Variants in C16orf95 observed in about 807,000 individuals in gnomAD.
The protein encoded by C16orf95 is uncharacterized protein C16orf95.
Under a neutral mutation model 32.1 loss-of-function variants are expected in C16orf95, and 41 were observed. The ratio of observed to expected loss-of-function variants is 1.28; its 90% CI spans 1.00 to 1.66. The LOEUF (loss-of-function observed/expected upper bound fraction) is 1.66, where lower values mean the gene tolerates loss of function less well. Ranked by LOEUF, C16orf95 falls within the 40% of genes most tolerant of loss-of-function variation. The probability of loss-of-function intolerance (pLI) is 0.00; values close to 1 mark genes in which losing one functional copy is unlikely to be tolerated. For synonymous variants in C16orf95, 147 were observed against 128.9 expected, an observed-to-expected ratio of 1.14 and a Z score of -0.95; for missense variants, 399 against 325.9, an observed-to-expected ratio of 1.22 and a Z score of -1.73.
In C16orf95 at chr16:87,305,821, T is replaced by G; in HGVS notation, c.599A>C (p.Gln200Pro). The G allele has an allele frequency of 6.7e-7, 1 of 1,496,128 alleles. No individual in the cohort carries two copies. Among genetic ancestry groups the G allele is most frequent in the Non-Finnish European group, 8.9e-7 (1 of 1,129,246 alleles). 92.7% of individuals were successfully genotyped at this position (1,496,128 alleles called of 1,614,324 possible). A position where few individuals can be genotyped will look rare whatever the true frequency, so the allele number is the denominator to read the frequency against. Reference sequence around the variant, plus strand: ...CGGTAGCTGGTCCTGGTAGGGGGCCTGGAGCTGCTGGAACTTGGACAACAG... The same window carrying G: ...CGGTAGCTGGTCCTGGTAGGGGGCCGGGAGCTGCTGGAACTTGGACAACAG... ...ECLLSKFQQL[Q>P]APYQDQLPAP... is the part of the protein sequence containing the mutation. The change falls in exon 6 of 7, where the codon CAG (glutamine) becomes CCG (proline). Residue 200 changes from glutamine to proline, a missense_variant. Transcript: ENST00000567970. The surrounding 1 kb of genome is among the most constrained non-coding windows in gnomAD (Gnocchi z 4.2).
chr16:87,305,765 G>A lies in C16orf95; in HGVS notation c.655C>T (p.Leu219Phe), dbSNP rs2150646747. The A allele has an allele frequency of 6.6e-7, 1 of 1,519,502 alleles. No individual in the cohort carries two copies. The highest frequency in any genetic ancestry group is 1.4e-5 in the African/African-American group (1 of 71,360). The allele number at this position is 1,519,502 out of a possible 1,614,324, so 94.1% of individuals were successfully genotyped here. The change falls in exon 6 of 7, where the codon CTC (leucine) becomes TTC (phenylalanine). Residue 219 changes from leucine to phenylalanine, a missense_variant. By Grantham distance (22) the Leu-to-Phe change is conservative. Coordinates refer to ENST00000567970, the MANE Select transcript of C16orf95 (RefSeq NM_001195124.3). This position sits in a 1 kb window ranked among gnomAD's most constrained non-coding sequence, Gnocchi z 4.2. ...GGGATGGCCTGGAGGAGGGTCAGGA[G>A]GCCGAGGGGCAGCAGACGCGCTGCA... ...APAARLLPLG[L>F]LTLLQAIPRV...
Position 87,311,221 on chromosome 16 carries a change from G to A in C16orf95, c.406C>T (p.Arg136Cys), listed in dbSNP as rs558849785. 2.6e-5 allele frequency: 40 copies of A among 1,535,866 alleles called. 2 individuals are homozygous for A. Among genetic ancestry groups the A allele is most frequent in the Middle Eastern group, 1.7e-4 (1 of 5,986 alleles). The change falls in exon 4 of 7, where the codon CGC becomes TGC. Residue 136 changes from arginine to cysteine, a missense_variant. Coordinates refer to ENST00000567970, the MANE Select transcript of C16orf95 (RefSeq NM_001195124.3). Reference protein sequence around the residue: ...CPCLCHRFGGRLPMPRDQAVM... With the variant: ...CPCLCHRFGGCLPMPRDQAVM... ...GCCTGGTCCCTAGGCATCGGGAGGC[G>A]GCCCCCAAAGCGGTGGCATAGGCAG...
At position 87,309,372 on chromosome 16, in the gene C16orf95, C is replaced by CT. The variant is rs10551847; in HGVS notation, c.514+924dup. On this transcript the variant is annotated intron_variant, in intron 5 of 6. Transcript: ENST00000567970. ...TATGCATTTTCTTTTTCTTTCTTTT[C>CT]TTTTTTTTTTTTTTTTTTTTTTTTT... Among the ~76,000 whole-genome samples the CT allele has an allele frequency of 9.5e-3, 812 of 85,882 alleles. 82 individuals carry two copies. The highest frequency in any genetic ancestry group is 0.012 in the Middle Eastern group (1 of 84). The allele number at this position is 85,882 out of a possible 152,430, so 56.3% of individuals were successfully genotyped here.
chr16:87,309,035 T>A (rs906829859), intron 5 of C16orf95, among the ~76,000 whole-genome samples: 2 of 152,198 alleles, frequency 1.3e-5, no homozygotes, highest in Non-Finnish European at 2.9e-5. Context: ...CATCGCCTCA[T>A]CCCTTCTTAA....
chr16:87,317,365 C>G lies in C16orf95; in HGVS notation c.-123G>C, dbSNP rs1184917303. 1 of 1,413,844 alleles carries G rather than the reference C, an allele frequency of 7.1e-7. No individual in the cohort carries two copies. The highest frequency in any genetic ancestry group is 9.2e-7 in the Non-Finnish European group (1 of 1,087,100). 87.6% of individuals were successfully genotyped at this position (1,413,844 alleles called of 1,614,324 possible). A position where few individuals can be genotyped will look rare whatever the true frequency, so the allele number is the denominator to read the frequency against. On this transcript the variant is annotated 5_prime_UTR_variant, in exon 1 of 7. Transcript: ENST00000567970. ...AACCCGAGCTCAACCCCAGCCCCAA[C>G]CTCAACCGCTCAGAGGAGCCCAACA...
At chr16:87,304,208 C>A (rs1412220450) in intron 6 of C16orf95, among the ~76,000 whole-genome samples, 1 of 152,140 alleles carries the variant, frequency 6.6e-6, no homozygotes, top group Non-Finnish European at 1.5e-5. Flanking sequence ...TGGGGTCTCA[C>A]TATGTTGCCC....
chr16:87,315,630 A>AG, intron 2 of C16orf95, 142 bp downstream of exon 2: 1 of 633,752 alleles, frequency 1.6e-6, no homozygotes, highest in Non-Finnish European at 2.5e-6. Context: ...CTGGAGGCCC[A>AG]GGGATAGCTC....
At chr16:87,316,937 C>T in intron 1 of C16orf95, 154 bp downstream of exon 1, 1 of 1,204,992 alleles carries the variant, frequency 8.3e-7, no homozygotes. Context: ...TTATGTGGAA[C>T]CATCAGTTGC....
At position 87,314,816 on chromosome 16, in the gene C16orf95, A is replaced by G. The variant is rs2150655934; in HGVS notation, c.330+155T>C. On this transcript the variant is annotated intron_variant, in intron 3 of 6. Coordinates refer to ENST00000567970, the MANE Select transcript of C16orf95 (RefSeq NM_001195124.3). The stretch of plus-strand genomic sequence containing the variant: ...TTGCTACAACGACAGCACATTACCC[A>G]TCTGACATGAAAATAAATAAATAAA... Among the ~76,000 whole-genome samples the G allele has an allele frequency of 1.3e-5, 2 of 152,340 alleles. 1 individual carries two copies. The highest frequency in any genetic ancestry group is 3.9e-4 in the East Asian group (2 of 5,192).
Position 87,303,028 on chromosome 16 carries a change from G to A in C16orf95, c.*29C>T, listed in dbSNP as rs544698155. 6.5e-7 allele frequency: 1 copy of A among 1,535,744 alleles called. No individual in the cohort carries two copies. The highest frequency in any genetic ancestry group is 8.7e-7 in the Non-Finnish European group (1 of 1,146,552). The stretch of plus-strand genomic sequence containing the variant: ...TTGATCGTGACACATTTTTGTGGCT[G>A]TTCTTGACAGTAGCTGAAGATTCCA... On this transcript the variant is annotated 3_prime_UTR_variant, in exon 7 of 7. Coordinates refer to ENST00000567970, the MANE Select transcript of C16orf95 (RefSeq NM_001195124.3).
chr16:87,304,788 G>A (rs1910937326), intron 6 of C16orf95, among the ~76,000 whole-genome samples: 3 of 152,242 alleles, frequency 2.0e-5, no homozygotes, highest in Admixed American at 6.5e-5. Context: ...CCCAGCCGTG[G>A]CAGAGTGACC....
rs1037534624 is a variant in C16orf95, at chr16:87,317,210, C to A, written c.33G>T (p.Arg11=). The part of the protein sequence containing the change: MRASRSPPSP[R]RCHHHHEATG... ...TGGCCTCATGATGATGGTGACAACG[C>A]CGCGGGGACGGTGGGGACCGGCTCG... Residue 11 remains arginine, a synonymous_variant, in exon 1 of 7, where the codon CGG becomes CGT. Coordinates refer to ENST00000567970, the MANE Select transcript of C16orf95 (RefSeq NM_001195124.3). 2.0e-6 allele frequency: 3 copies of A among 1,530,720 alleles called. No individual in the cohort carries two copies. The highest frequency in any genetic ancestry group is 2.6e-6 in the Non-Finnish European group (3 of 1,144,566). 94.8% of individuals were successfully genotyped at this position (1,530,720 alleles called of 1,614,324 possible).
chr16:87,311,423 G>T, intron 3 of C16orf95, 127 bp from the exon 4 acceptor site: 3 of 989,428 alleles, frequency 3.0e-6, no homozygotes, highest in Non-Finnish European at 4.3e-6. Flanking sequence ...GCAGGCCCTG[G>T]AGAGCTGTTC....
chr16:87,307,438 C>G, intron 5 of C16orf95, among the ~76,000 whole-genome samples: 1 of 149,648 alleles, frequency 6.7e-6, no homozygotes. Flanking sequence ...AAAGGGACTG[C>G]AAAAAGTTTG....
chr16:87,315,096 T>A lies in C16orf95; in HGVS notation c.205A>T (p.Met69Leu), dbSNP rs1391739755. ...CAGATGGCCCAGGGGCCAGGGTGCATCTGAGTAAGATCCAGAAATGACAGA... is the reference window on the plus strand; with the variant it reads ...CAGATGGCCCAGGGGCCAGGGTGCAACTGAGTAAGATCCAGAAATGACAGA... The part of the protein sequence containing the change: ...KKEVCLPRHS[M>L]HPGPWAICCE... The change falls in exon 3 of 7, where the codon ATG becomes TTG. Residue 69 changes from methionine (M) to leucine (L), a missense_variant and splice_region_variant. Transcript: ENST00000567970. The A allele has an allele frequency of 6.5e-7, 1 of 1,535,758 alleles. No individual in the cohort carries two copies. The highest frequency in any genetic ancestry group is 2.4e-5 in the East Asian group (1 of 40,900).
At chr16:87,312,463 G>C (rs1346874016) in intron 3 of C16orf95, among the ~76,000 whole-genome samples, 1 of 151,304 alleles carries the variant, frequency 6.6e-6, no homozygotes. Context: ...CAGCTACCCG[G>C]GAGACTGAGG....
Position 87,317,382 on chromosome 16 carries a change from A to G in C16orf95, c.-140T>C. 7.1e-7 allele frequency: 1 copy of G among 1,399,628 alleles called. No individual in the cohort carries two copies. Among genetic ancestry groups the G allele is most frequent in the Non-Finnish European group, 9.2e-7 (1 of 1,081,162 alleles). 86.7% of individuals were successfully genotyped at this position (1,399,628 alleles called of 1,614,324 possible). The stretch of plus-strand genomic sequence containing the variant: ...AGCCCCAACCTCAACCGCTCAGAGG[A>G]GCCCAACAACGCCCGCGCGCCCGCC... On this transcript the variant is annotated 5_prime_UTR_variant, in exon 1 of 7. Coordinates refer to ENST00000567970, the MANE Select transcript of C16orf95 (RefSeq NM_001195124.3).
rs1206714872 is a variant in C16orf95 at position 87,317,091 on chromosome 16, C to G, written c.152G>C (p.Arg51Thr). The change falls in exon 1 of 7, where the codon AGG becomes ACG. Residue 51 changes from arginine (R) to threonine (T), a missense_variant and splice_region_variant. Transcript: ENST00000567970. ...LALTPSAQDGRNSTFQTYKKE... is the reference protein window; with the variant it reads ...LALTPSAQDGTNSTFQTYKKE... The stretch of plus-strand genomic sequence containing the variant: ...CGGGCAGGATTCAGGACTCACTTGC[C>G]TGCCATCCTGCGCGCTGGGTGTGAG... 1.3e-6 allele frequency: 2 copies of G among 1,521,004 alleles called. No individual in the cohort carries two copies. Among genetic ancestry groups the G allele is most frequent in the East Asian group, 5.0e-5 (2 of 40,318 alleles). 94.2% of individuals were successfully genotyped at this position (1,521,004 alleles called of 1,614,324 possible).
At chr16:87,316,137 C>G (rs985757717) in intron 1 of C16orf95, among the ~76,000 whole-genome samples, 1 of 152,216 alleles carries the variant, frequency 6.6e-6, no homozygotes, top group Non-Finnish European at 1.5e-5. Context: ...CAGGAGCATT[C>G]CAACCTGCTG....
Sources: gnomAD v4.1 joint callset for allele counts (sites outside exome capture counted in the v4.1 genomes callset) on GRCh38, gnomAD v4.1.1 for gene constraint, Gnocchi (gnomAD v3.1) non-coding constraint, MANE v1.5 for transcripts, NCBI Gene and HGNC (gene_info 2026-07-23, HGNC 2026-07-21) for gene names.